CRK: variants seen among roughly 807,000 people sequenced by gnomAD.
CRK encodes adapter molecule crk.
In CRK, 4 loss-of-function variants were observed where a neutral mutation model predicts 29.8. The observed-to-expected ratio is 0.13, with a 90% CI of 0.07 to 0.31. The LOEUF is 0.31. Ranked by LOEUF, CRK falls within the 10% of genes least tolerant of loss-of-function variation. The pLI, the probability that CRK is intolerant of heterozygous loss-of-function variation, is 1.00. For missense variants in CRK, 274 were observed against 396.5 expected (o/e 0.69, Z 2.62); for synonymous variants, 153 against 164.9 (o/e 0.93, Z 0.55).
intron 1 of CRK, among the ~76,000 whole-genome samples, chr17:1,450,410 GGGA>G (rs553630368): frequency 1.4e-3 from 216 of 152,224 alleles, no homozygotes; most frequent in African/African-American, 5.0e-3. Context: ...AGGAGGCTGA[GGGA>G]GGAGAATGAC....
chr17:1,454,479 G>A (rs755834544), intron 1 of CRK, among the ~76,000 whole-genome samples: 3 of 152,218 alleles, frequency 2.0e-5, no homozygotes, highest in Non-Finnish European at 4.4e-5. Flanking sequence ...TTGCGCCACT[G>A]TGCTCCAGCG....
intron 1 of CRK, among the ~76,000 whole-genome samples, chr17:1,442,962 T>G (rs182339031): frequency 2.0e-5 from 3 of 148,862 alleles, no homozygotes; most frequent in African/African-American, 7.4e-5. Context: ...CAAACTCAGC[T>G]CACAGCAACC....
At chr17:1,429,749 C>G (rs2073819969) in intron 2 of CRK, among the ~76,000 whole-genome samples, 2 of 151,918 alleles carry the variant, frequency 1.3e-5, no homozygotes, top group South Asian at 4.2e-4. Context: ...GGTTACAAAG[C>G]AAGACTCCAT....
rs755532427 is a variant in CRK, at chr17:1,456,085, A to C, written c.33T>G (p.Ser11Arg). MAGNFDSEERSSWYWGRLSRQ... is the reference protein window; with the variant it reads MAGNFDSEERRSWYWGRLSRQ... ...GACTCAACCTCCCCCAGTACCAGCT[A>C]CTCCGCTCCTCCGAGTCGAAGTTGC... Residue 11 changes from serine (S) to arginine (R), a missense_variant, in exon 1 of 3, where the codon AGT becomes AGG. This residue lies in a region of CRK where 135 missense variants were observed against 180.9 expected (regional missense o/e 0.75). Coordinates refer to ENST00000300574, the MANE Select transcript of CRK (RefSeq NM_016823.4). The C allele has an allele frequency of 5.1e-6, 8 of 1,566,958 alleles. No individual in the cohort carries two copies. The highest frequency in any genetic ancestry group is 1.7e-4 in the Middle Eastern group (1 of 5,930).
At position 1,420,826 on chromosome 17, in the gene CRK, A is replaced by C. The variant is rs1476433028; in HGVS notation, c.*2687T>G. ...AACTGTCAAGAAAGTGTATAGTGTT[A>C]TAATACAATGGCACATGTTTATATT... On this transcript the variant is annotated 3_prime_UTR_variant, in exon 3 of 3. Coordinates refer to ENST00000300574, the MANE Select transcript of CRK (RefSeq NM_016823.4). 1.6e-4 allele frequency: 25 copies of C among 152,196 alleles called. No homozygotes were observed. Among genetic ancestry groups the C allele is most frequent in the Admixed American group, 1.6e-3 (25 of 15,262 alleles). The allele number at this position is 152,196 out of a possible 1,614,324, so 9.4% of individuals were successfully genotyped here. A position where few individuals can be genotyped will look rare whatever the true frequency, so the allele number is the denominator to read the frequency against.
intron 2 of CRK, among the ~76,000 whole-genome samples, chr17:1,432,011 T>C (rs1201087397): frequency 6.6e-6 from 1 of 152,154 alleles, no homozygotes; most frequent in Non-Finnish European, 1.5e-5. Context: ...TACTACAAGG[T>C]AGTTAACCTT....
chr17:1,433,508 G>GATTTTTTTTTTTTTTTTTTTTTTT (rs1568012299), intron 2 of CRK, among the ~76,000 whole-genome samples: 2 of 114,368 alleles, frequency 1.7e-5, no homozygotes, highest in Admixed American at 9.5e-5. Flanking sequence ...ACCACGCCTG[G>GATTTTTTTTTTTTTTTTTTTTTTT]CTTTTTTTTT....
Position 1,423,444 on chromosome 17 carries a change from GTA to G in CRK, c.*67_*68del. On this transcript the variant is annotated 3_prime_UTR_variant, in exon 3 of 3. Coordinates refer to ENST00000300574, the MANE Select transcript of CRK (RefSeq NM_016823.4). ...TGCTTTTGACATCTGTAAGAAAATT[GTA>G]TAGATGGCAGTTGGAAAAAAAAAAA... 1.3e-6 allele frequency: 2 copies of G among 1,543,920 alleles called. No homozygotes were observed. Among genetic ancestry groups the G allele is most frequent in the Non-Finnish European group, 1.8e-6 (2 of 1,142,328 alleles).
chr17:1,423,217 T>C lies in CRK; in HGVS notation c.*296A>G, dbSNP rs887551495. On this transcript the variant is annotated 3_prime_UTR_variant, in exon 3 of 3. Transcript: ENST00000300574. ...GTCCATCGGTTTTCCACAGGGTGATTTGCACTGCCTGAGAGAAAGGAGGCA... is the reference window on the plus strand; with the variant it reads ...GTCCATCGGTTTTCCACAGGGTGATCTGCACTGCCTGAGAGAAAGGAGGCA... The C allele has an allele frequency of 4.0e-6, 2 of 499,018 alleles. No individual in the cohort carries two copies. Among genetic ancestry groups the C allele is most frequent in the Admixed American group, 3.7e-5 (1 of 26,848 alleles). The allele number at this position is 499,018 out of a possible 1,614,324, so 30.9% of individuals were successfully genotyped here. A position where few individuals can be genotyped will look rare whatever the true frequency, so the allele number is the denominator to read the frequency against.
At chr17:1,451,581 C>T (rs970311533) in intron 1 of CRK, among the ~76,000 whole-genome samples, 2 of 152,030 alleles carry the variant, frequency 1.3e-5, no homozygotes, top group Non-Finnish European at 2.9e-5. Context: ...GGGCTGGATG[C>T]GGCTGTATGT....
chr17:1,446,507 G>C (rs1291589512), intron 1 of CRK, among the ~76,000 whole-genome samples: 2 of 151,640 alleles, frequency 1.3e-5, no homozygotes, highest in African/African-American at 2.4e-5. Context: ...AAACTTGGCA[G>C]ATCATCTGGC....
chr17:1,429,400 AG>A (rs2073815425), intron 2 of CRK, among the ~76,000 whole-genome samples: 1 of 151,970 alleles, frequency 6.6e-6, no homozygotes, highest in Non-Finnish European at 1.5e-5. Flanking sequence ...TAGGCTCCCA[AG>A]GACCTGGGAT....
intron 1 of CRK, among the ~76,000 whole-genome samples, chr17:1,445,847 T>A (rs971670238): frequency 2.6e-5 from 4 of 152,184 alleles, no homozygotes; most frequent in African/African-American, 9.6e-5. Context: ...TTGCTAAGGT[T>A]TACCCAACTA....
In CRK at chr17:1,436,530, G is replaced by A. The variant is rs568078336; in HGVS notation, c.777+90C>T. 8.0e-6 allele frequency: 11 copies of A among 1,374,748 alleles called. No individual in the cohort carries two copies. In the Admixed American group the frequency reaches 1.0e-4, roughly 13 times the overall value. The allele number at this position is 1,374,748 out of a possible 1,614,324, so 85.2% of individuals were successfully genotyped here. On this transcript the variant is annotated intron_variant, in intron 2 of 2. Coordinates refer to ENST00000300574, the MANE Select transcript of CRK (RefSeq NM_016823.4). Reference sequence around the variant, plus strand: ...GGCTTGCCATCTACAACATCCCAATGCTGTAGTCAGCATTGCTACAAAGCT... The same window carrying A: ...GGCTTGCCATCTACAACATCCCAATACTGTAGTCAGCATTGCTACAAAGCT...
At chr17:1,424,033 C>A (rs377281710) in intron 2 of CRK, among the ~76,000 whole-genome samples, 1 of 151,650 alleles carries the variant, frequency 6.6e-6, no homozygotes, top group Non-Finnish European at 1.5e-5. Context: ...CTGCCTGCTC[C>A]GCAGGCCCTG....
chr17:1,425,255 A>G (rs549262270), intron 2 of CRK, among the ~76,000 whole-genome samples: 1 of 151,626 alleles, frequency 6.6e-6, no homozygotes, highest in South Asian at 2.1e-4. Context: ...ACGCCCAGCT[A>G]ATTTTTTGTA....
At chr17:1,455,086 T>C (rs1459292634) in intron 1 of CRK, among the ~76,000 whole-genome samples, 1 of 152,176 alleles carries the variant, frequency 6.6e-6, no homozygotes, top group African/African-American at 2.4e-5. Flanking sequence ...CTGTTTCCAT[T>C]GCCTCACTTC....
chr17:1,432,163 G>C (rs1244904489), intron 2 of CRK, among the ~76,000 whole-genome samples: 1 of 152,098 alleles, frequency 6.6e-6, no homozygotes, highest in African/African-American at 2.4e-5. Flanking sequence ...TGTGGGATGG[G>C]ATTTGAGACT....
chr17:1,437,269 C>G, intron 1 of CRK, 114 bp from the exon 2 acceptor site: 1 of 1,198,622 alleles, frequency 8.3e-7, no homozygotes, highest in Non-Finnish European at 1.1e-6. Context: ...CCAGGCTGGT[C>G]TTGACCTCCG....
Sources: allele counts gnomAD v4.1 joint callset (sites outside exome capture counted in the v4.1 genomes callset), GRCh38; gene constraint gnomAD v4.1.1; regional missense constraint gnomAD v4.1.1; transcripts MANE v1.5; gene names NCBI Gene and HGNC (gene_info 2026-07-23, HGNC 2026-07-21).